BRWD1: variants seen among roughly 807,000 people sequenced by gnomAD.
The protein encoded by BRWD1 is bromodomain and WD repeat domain containing 1, also known as bromodomain and WD repeat-containing protein 1.
BRWD1 carries 82 observed loss-of-function variants against 251.2 expected under a neutral mutation model. That is an observed-to-expected ratio of 0.33 (90% confidence interval 0.27 to 0.39). The LOEUF (loss-of-function observed/expected upper bound fraction) is 0.39, where lower values mean the gene tolerates loss of function less well. Among genes scored for constraint, BRWD1 ranks in the 10% least tolerant of loss-of-function variants. The pLI, the probability that BRWD1 is intolerant of heterozygous loss-of-function variation, is 1.00. For missense variants in BRWD1, 2,233 were observed against 2,711.6 expected, an observed-to-expected ratio of 0.82 and a Z score of 3.92; for synonymous variants, 918 against 902.8, an observed-to-expected ratio of 1.02 and a Z score of -0.30.
At chr21:39,185,161 GAATTA>G (rs2031141927), downstream of BRWD1, 3 of 151,766 alleles carry the variant, frequency 2.0e-5, no homozygotes, top group South Asian at 4.2e-4. Flanking sequence ...AAATATGTTC[GAATTA>G]AATACTTAGC....
chr21:39,299,555 C>A (rs1190698662), intron 4 of BRWD1, among the ~76,000 whole-genome samples: 1 of 152,088 alleles, frequency 6.6e-6, no homozygotes, highest in African/African-American at 2.4e-5. Context: ...AAAGATATTG[C>A]TCTCATCTCG....
intron 19 of BRWD1, among the ~76,000 whole-genome samples, chr21:39,253,421 A>C (rs543681067): frequency 6.6e-6 from 1 of 152,054 alleles, no homozygotes; most frequent in Admixed American, 6.6e-5. Context: ...CTTCCTTCGG[A>C]TAAGAAAATA....
chr21:39,282,610 A>T (rs1052077914), intron 8 of BRWD1, among the ~76,000 whole-genome samples: 5 of 151,844 alleles, frequency 3.3e-5, no homozygotes, highest in Non-Finnish European at 5.9e-5. Flanking sequence ...GGACAAAAAA[A>T]TTTTTTTTTA....
rs1246698090 is a variant in BRWD1 at position 39,185,713 on chromosome 21, A to C, written c.*10546T>G. On this transcript the variant is annotated 3_prime_UTR_variant, in exon 41 of 41. Transcript: ENST00000342449. Reference sequence around the variant, plus strand: ...CACTTGGTTCATCTGTATAACAAAAAAAAAAAAATGCATTTGACTTAAAAA... The same window carrying C: ...CACTTGGTTCATCTGTATAACAAAACAAAAAAAATGCATTTGACTTAAAAA... 2.6e-5 allele frequency: 4 copies of C among 151,566 alleles called. No homozygotes were observed. Among genetic ancestry groups the C allele is most frequent in the African/African-American group, 4.8e-5 (2 of 41,372 alleles). The allele number at this position is 151,566 out of a possible 1,614,324, so 9.4% of individuals were successfully genotyped here. A position where few individuals can be genotyped will look rare whatever the true frequency, so the allele number is the denominator to read the frequency against.
intron 21 of BRWD1, among the ~76,000 whole-genome samples, chr21:39,246,661 GAATTACTAGGC>G (rs2034199389): frequency 6.6e-6 from 1 of 152,118 alleles, no homozygotes; most frequent in African/African-American, 2.4e-5. Context: ...TCCAATGGGA[GAATTACTAGGC>G]AATAAAAAGT....
At chr21:39,217,389 G>A (rs541682273) in intron 31 of BRWD1, 6 of 194,974 alleles carry the variant, frequency 3.1e-5, no homozygotes, top group South Asian at 9.1e-5. Flanking sequence ...AAGCCAATGC[G>A]CCTGGCCTCC....
In BRWD1 at chr21:39,312,903, G is replaced by A. The variant is rs751227786; in HGVS notation, c.139-3C>T. On this transcript the variant is annotated splice_polypyrimidine_tract_variant and splice_region_variant and intron_variant, in intron 3 of 40. Transcript: ENST00000342449. ...CAGTCCAATCTCTTCGGCAACAACTGGAAAGACACGAAACGCACACGAGTG... is the reference window on the plus strand; with the variant it reads ...CAGTCCAATCTCTTCGGCAACAACTAGAAAGACACGAAACGCACACGAGTG... The A allele has an allele frequency of 3.6e-5, 54 of 1,505,780 alleles. No homozygotes were observed. The highest frequency in any genetic ancestry group is 4.6e-5 in the Non-Finnish European group (52 of 1,119,122). The allele number at this position is 1,505,780 out of a possible 1,614,324, so 93.3% of individuals were successfully genotyped here.
rs2146671572 is a variant in BRWD1 at position 39,270,409 on chromosome 21, C to T, written c.1269G>A (p.Arg423=). The stretch of plus-strand genomic sequence containing the variant: ...TCATTGTTACTTTAGGTTTCATAAA[C>T]CTTTCCTCTTCGGAAGATAAGTCCC... ...ISGDLSSEEE[R]FMKPKVTMIA... The change falls in exon 14 of 41, where the codon AGG becomes AGA. Residue 423 remains arginine, a synonymous_variant. Coordinates refer to ENST00000342449, the MANE Select transcript of BRWD1 (RefSeq NM_033656.4). 1 of 1,609,130 alleles carries T rather than the reference C, an allele frequency of 6.2e-7. No individual in the cohort carries two copies. Among genetic ancestry groups the T allele is most frequent in the South Asian group, 1.1e-5 (1 of 89,858 alleles).
At chr21:39,215,486 T>C in intron 31 of BRWD1, 124 bp from the exon 32 acceptor site, 1 of 790,678 alleles carries the variant, frequency 1.3e-6, no homozygotes, top group South Asian at 1.8e-5. Flanking sequence ...AAAGTTATAA[T>C]GAATAACCTT....
At chr21:39,271,310 T>C (rs2035093731) in intron 13 of BRWD1, among the ~76,000 whole-genome samples, 2 of 150,686 alleles carry the variant, frequency 1.3e-5, no homozygotes. Flanking sequence ...AAAAAAGTGA[T>C]ATGCAAAGGG....
intron 27 of BRWD1, among the ~76,000 whole-genome samples, chr21:39,227,071 G>A (rs190825296): frequency 2.0e-5 from 3 of 152,280 alleles, no homozygotes; most frequent in South Asian, 2.1e-4. Flanking sequence ...TGGGAGGATC[G>A]CTTGAGCCCA....
chr21:39,294,877 T>A (rs1474661282), intron 7 of BRWD1, among the ~76,000 whole-genome samples: 2 of 152,182 alleles, frequency 1.3e-5, no homozygotes, highest in African/African-American at 4.8e-5. Flanking sequence ...TCTTGAATTT[T>A]ACACCCACAA....
In BRWD1 at chr21:39,274,297, CAG is replaced by C. The variant is rs200004557; in HGVS notation, c.1244+75_1244+76del. The C allele has an allele frequency of 3.7e-3, 3,969 of 1,061,894 alleles. 2 individuals carry two copies. The highest frequency in any genetic ancestry group is 4.2e-3 in the Non-Finnish European group (2,999 of 705,924). 65.8% of individuals were successfully genotyped at this position (1,061,894 alleles called of 1,614,324 possible). A position where few individuals can be genotyped will look rare whatever the true frequency, so the allele number is the denominator to read the frequency against. On this transcript the variant is annotated intron_variant, in intron 13 of 40. Transcript: ENST00000342449. ...TCAACAAAATAACCACTGAGAGACA[CAG>C]AGAGCGAGAGAGAGAGAGAGAGAGA...
Position 39,210,892 on chromosome 21 carries a change from T to C in BRWD1, c.3938A>G (p.Tyr1313Cys), listed in dbSNP as rs1464005423. 3 of 1,612,158 alleles carry C rather than the reference T, an allele frequency of 1.9e-6. No individual in the cohort carries two copies. The highest frequency in any genetic ancestry group is 1.3e-5 in the African/African-American group (1 of 74,938). Reference sequence around the variant, plus strand: ...CTGTTTCTTCCAGTTGCTTTCAACATAGTTCGTAGCTCTGATGCTTTTTTT... The same window carrying C: ...CTGTTTCTTCCAGTTGCTTTCAACACAGTTCGTAGCTCTGATGCTTTTTTT... ...DGKKSIRATN[Y>C]VESNWKKQCK... Residue 1313 changes from tyrosine to cysteine, a missense_variant, in exon 35 of 41, where the codon TAT (tyrosine) becomes TGT (cysteine). By Grantham distance (194) the Tyr-to-Cys change is radical. Around this residue, in one of 12 missense-constraint regions of BRWD1, gnomAD observed 167 missense variants for 183.2 expected, o/e 0.91. Coordinates refer to ENST00000342449, the MANE Select transcript of BRWD1 (RefSeq NM_033656.4).
chr21:39,260,260 A>G (rs2034698086), intron 17 of BRWD1, among the ~76,000 whole-genome samples: 1 of 151,346 alleles, frequency 6.6e-6, no homozygotes, highest in Non-Finnish European at 1.5e-5. Flanking sequence ...GAAGATTTCT[A>G]ATCGGCATAA....
In BRWD1 at chr21:39,232,305, T is replaced by C. The variant is rs1239885339; in HGVS notation, c.2893-21A>G. 6 of 1,605,298 alleles carry C rather than the reference T, an allele frequency of 3.7e-6. No individual in the cohort carries two copies. In the Admixed American group the frequency reaches 5.2e-5, roughly 14 times the overall value. On this transcript the variant is annotated intron_variant, in intron 24 of 40. Transcript: ENST00000342449. ...ATTACCTACAAAAGGGAAATATGCA[T>C]TTAAAAATTAAGAGCAATATAAACT... is the stretch of plus-strand genomic sequence containing the variant.
At position 39,193,595 on chromosome 21, in the gene BRWD1, A is replaced by C. The variant is rs1166533338; in HGVS notation, c.*2664T>G. The C allele has an allele frequency of 1.7e-5, 17 of 985,346 alleles. No homozygotes were observed. Among genetic ancestry groups the C allele is most frequent in the Non-Finnish European group, 1.8e-5 (15 of 829,634 alleles). The allele number at this position is 985,346 out of a possible 1,614,324, so 61.0% of individuals were successfully genotyped here. On this transcript the variant is annotated 3_prime_UTR_variant, in exon 41 of 41. Coordinates refer to ENST00000342449, the MANE Select transcript of BRWD1 (RefSeq NM_033656.4). ...AAACCATAGGACTTTGGACATACAC[A>C]ACCAAAGTAGTTTTTGTTTTTCACA... is the stretch of plus-strand genomic sequence containing the variant.
At position 39,260,652 on chromosome 21, in the gene BRWD1, A is replaced by C. The variant is rs1291496871; in HGVS notation, c.1886-1980T>G. Among the ~76,000 whole-genome samples, 7 of 152,202 alleles carry C rather than the reference A, an allele frequency of 4.6e-5. No homozygotes were observed. In the East Asian group the frequency reaches 1.3e-3, roughly 29 times the overall value. On this transcript the variant is annotated intron_variant, in intron 17 of 40. Coordinates refer to ENST00000342449, the MANE Select transcript of BRWD1 (RefSeq NM_033656.4). ...AAACAAAAGCTTTCAGACACTGGAC[A>C]ACAGGCAGCACAAAACTGTGATCCC...
At chr21:39,272,301 T>TAAAA (rs746781112) in intron 13 of BRWD1, among the ~76,000 whole-genome samples, 1 of 104,602 alleles carries the variant, frequency 9.6e-6, no homozygotes, top group African/African-American at 3.3e-5. Context: ...CCCTAAAACT[T>TAAAA]AAATAAATAA....
Sources: allele counts gnomAD v4.1 joint callset (sites outside exome capture counted in the v4.1 genomes callset), GRCh38; gene constraint gnomAD v4.1.1; regional missense constraint gnomAD v4.1.1; transcripts MANE v1.5; gene names NCBI Gene and HGNC (gene_info 2026-07-23, HGNC 2026-07-21).